Variants in ANKUB1 observed in about 807,000 individuals in gnomAD.
ANKUB1 encodes the protein ankyrin repeat and ubiquitin domain containing 1.
In ANKUB1, 42 loss-of-function variants were observed where a neutral mutation model predicts 49.3. The ratio of observed to expected loss-of-function variants is 0.85; its 90% CI spans 0.67 to 1.10. ANKUB1 has a LOEUF of 1.10. Among genes scored for constraint, ANKUB1 ranks in the 50% least tolerant of loss-of-function variants. ANKUB1 has a pLI of 0.00. For missense variants in ANKUB1, 613 were observed against 642.0 expected, an observed-to-expected ratio of 0.95 and a Z score of 0.49; for synonymous variants, 222 against 231.0, an observed-to-expected ratio of 0.96 and a Z score of 0.35.
At chr3:149,792,060 A>G (rs1718381768) in intron 1 of ANKUB1, among the ~76,000 whole-genome samples, 1 of 152,010 alleles carries the variant, frequency 6.6e-6, no homozygotes, top group Non-Finnish European at 1.5e-5. Flanking sequence ...TTTTCTTGAT[A>G]ATTGACTGGC....
intron 2 of ANKUB1, among the ~76,000 whole-genome samples, chr3:149,784,179 C>T (rs945732954): frequency 1.9e-4 from 29 of 152,340 alleles, no homozygotes; most frequent in African/African-American, 5.8e-4. Context: ...CTTTTCACAA[C>T]ATTCCAGGGA....
chr3:149,790,371 T>C (rs1718307102), intron 2 of ANKUB1, among the ~76,000 whole-genome samples: 1 of 152,196 alleles, frequency 6.6e-6, no homozygotes, highest in African/African-American at 2.4e-5. Flanking sequence ...AAAATTCCCT[T>C]TCATTCTTAT....
At chr3:149,761,885 C>A (rs1172132976) in intron 5 of ANKUB1, among the ~76,000 whole-genome samples, 1 of 152,170 alleles carries the variant, frequency 6.6e-6, no homozygotes, top group African/African-American at 2.4e-5. Context: ...TGGGTTGAAA[C>A]TTTTTCTCTC....
chr3:149,765,596 C>T (rs1716978842), intron 5 of ANKUB1, among the ~76,000 whole-genome samples: 1 of 152,104 alleles, frequency 6.6e-6, no homozygotes, highest in South Asian at 2.1e-4. Flanking sequence ...TTTTCATGCA[C>T]ATTTCCATTC....
Position 149,770,577 on chromosome 3 carries a change from TTTTGA to T in ANKUB1, c.544_548del (p.Ser182ArgfsTer23), listed in dbSNP as rs1717305380. 2 of 1,547,298 alleles carry T rather than the reference TTTTGA, an allele frequency of 1.3e-6. No individual in the cohort carries two copies. Among genetic ancestry groups the T allele is most frequent in the Non-Finnish European group, 1.7e-6 (2 of 1,145,040 alleles). On this transcript the variant is annotated frameshift_variant, in exon 4 of 6. Coordinates refer to ENST00000446160, the MANE Select transcript of ANKUB1 (RefSeq NM_001144960.3). LOFTEE classifies it high-confidence loss of function. The stretch of plus-strand genomic sequence containing the variant: ...TCTCATACTTGAGTACTGGTCCTTC[TTTTGA>T]TAAGTAGCGTTGGACTTTAAGTTTT...
intron 3 of ANKUB1, chr3:149,779,144 T>C (rs749636633): frequency 6.6e-6 from 1 of 152,138 alleles, no homozygotes; most frequent in South Asian, 2.1e-4. Flanking sequence ...TTATTGATGT[T>C]TGGCTACTGC....
intron 2 of ANKUB1, among the ~76,000 whole-genome samples, chr3:149,785,604 G>A (rs986324884): frequency 7.9e-5 from 12 of 152,176 alleles, no homozygotes; most frequent in African/African-American, 2.9e-4. Flanking sequence ...CCTTTTTTAT[G>A]GCAGCATAGT....
In ANKUB1 at chr3:149,790,783, T is replaced by C; in HGVS notation, c.232A>G (p.Lys78Glu). The change falls in exon 2 of 6, where the codon AAG becomes GAG. Residue 78 changes from lysine to glutamate, a missense_variant and splice_region_variant. Lys to Glu is a moderately conservative substitution (Grantham distance 56). Transcript: ENST00000446160. ...SFCSTLKCFV[K>E]EEDKPTLYVF... Reference sequence around the variant, plus strand: ...GAATATTATCCTGACCATCATACCTTAACAAAGCATTTGAGAGTTGAACAG... The same window carrying C: ...GAATATTATCCTGACCATCATACCTCAACAAAGCATTTGAGAGTTGAACAG... 6.5e-7 allele frequency: 1 copy of C among 1,550,270 alleles called. No individual in the cohort carries two copies. Among genetic ancestry groups the C allele is most frequent in the Non-Finnish European group, 8.7e-7 (1 of 1,146,546 alleles).
intron 5 of ANKUB1, among the ~76,000 whole-genome samples, chr3:149,765,545 CAT>C (rs1716975264): frequency 6.7e-6 from 1 of 149,694 alleles, no homozygotes; most frequent in Non-Finnish European, 1.5e-5. Context: ...CACACACACA[CAT>C]GCACACACAC....
chr3:149,772,249 A>G (rs1717399609), intron 3 of ANKUB1, among the ~76,000 whole-genome samples: 1 of 152,038 alleles, frequency 6.6e-6, no homozygotes, highest in Non-Finnish European at 1.5e-5. Context: ...TCGAACTCCT[A>G]ACTTCAAACG....
Position 149,790,829 on chromosome 3 carries a change from A to G in ANKUB1, c.186T>C (p.Leu62=), listed in dbSNP as rs754332587. ...AACAGAAAGATATTCCAACATCAGC[A>G]AGACTCCAACTGTCCTTTAGAGCAG... ...AGAALKDSWS[L]ADVGISFCST... is the part of the protein sequence containing the mutation. The change falls in exon 2 of 6, where the codon CTT becomes CTC. Residue 62 remains leucine, a synonymous_variant. Coordinates refer to ENST00000446160, the MANE Select transcript of ANKUB1 (RefSeq NM_001144960.3). 6.4e-5 allele frequency: 100 copies of G among 1,551,988 alleles called. 3 individuals are homozygous for G. The South Asian group carries it at 1.2e-3, about 18-fold the overall frequency.
intron 2 of ANKUB1, among the ~76,000 whole-genome samples, chr3:149,788,845 C>T (rs1196127028): frequency 1.3e-5 from 2 of 152,016 alleles, no homozygotes; most frequent in South Asian, 2.1e-4. Flanking sequence ...GGGGTGATCT[C>T]GGCTCACTGT....
In ANKUB1 at chr3:149,770,763, A is replaced by G; in HGVS notation, c.452-89T>C. 3 of 764,548 alleles carry G rather than the reference A, an allele frequency of 3.9e-6. No individual in the cohort carries two copies. In the South Asian group the frequency reaches 5.7e-5, roughly 14 times the overall value. 47.4% of individuals were successfully genotyped at this position (764,548 alleles called of 1,614,324 possible). A position where few individuals can be genotyped will look rare whatever the true frequency, so the allele number is the denominator to read the frequency against. The stretch of plus-strand genomic sequence containing the variant: ...CTTCTAATGGTAGCTTTCCCCAAAC[A>G]GAGGCTTAGCTAGATGCAAAATGAA... On this transcript the variant is annotated intron_variant, in intron 3 of 5. Transcript: ENST00000446160.
chr3:149,782,269 T>A (rs905098401), intron 2 of ANKUB1, among the ~76,000 whole-genome samples: 3 of 150,684 alleles, frequency 2.0e-5, no homozygotes, highest in East Asian at 1.9e-4. Flanking sequence ...AAAAAAAAAA[T>A]TTTTTTTTAG....
At chr3:149,770,386 T>G (rs759277336) in intron 4 of ANKUB1, among the ~76,000 whole-genome samples, 174 bp downstream of exon 4, 3 of 152,228 alleles carry the variant, frequency 2.0e-5, no homozygotes, top group Non-Finnish European at 4.4e-5. Flanking sequence ...GCATCCCTGC[T>G]GTTTTGTTCC....
Position 149,768,103 on chromosome 3 carries a change from A to G in ANKUB1, c.567-8T>C. 1 of 1,341,334 alleles carries G rather than the reference A, an allele frequency of 7.5e-7. No individual in the cohort carries two copies. The highest frequency in any genetic ancestry group is 1.5e-5 in the African/African-American group (1 of 68,032). The allele number at this position is 1,341,334 out of a possible 1,614,324, so 83.1% of individuals were successfully genotyped here. ...GCTACCCTTTTCTGATACCTAAATG[A>G]GTGAAACAAGTGGGGAGGGGGTGTT... On this transcript the variant is annotated splice_region_variant and splice_polypyrimidine_tract_variant and intron_variant, in intron 4 of 5. Transcript: ENST00000446160.
chr3:149,765,606 C>T (rs1315539689), intron 5 of ANKUB1, among the ~76,000 whole-genome samples: 1 of 152,246 alleles, frequency 6.6e-6, no homozygotes, highest in African/African-American at 2.4e-5. Flanking sequence ...CATTTCCATT[C>T]TGCTGGGCAC....
At chr3:149,770,253 A>G (rs980321487) in intron 4 of ANKUB1, among the ~76,000 whole-genome samples, 5 of 152,204 alleles carry the variant, frequency 3.3e-5, no homozygotes, top group African/African-American at 9.6e-5. Context: ...GTCAAAAGTT[A>G]TATGGGAATT....
At chr3:149,786,051 T>A (rs934669812) in intron 2 of ANKUB1, among the ~76,000 whole-genome samples, 17 of 145,550 alleles carry the variant, frequency 1.2e-4, no homozygotes, top group Admixed American at 6.8e-5. Context: ...TTATTTATTT[T>A]TTGAGACAGA....
Sources: allele counts gnomAD v4.1 joint callset (sites outside exome capture counted in the v4.1 genomes callset), GRCh38; gene constraint gnomAD v4.1.1; transcripts MANE v1.5; gene names NCBI Gene and HGNC (gene_info 2026-07-23, HGNC 2026-07-21).